ATG7: variants seen among roughly 807,000 people sequenced by gnomAD.
The protein encoded by ATG7 is ubiquitin-like modifier-activating enzyme ATG7.
In ATG7, 70 loss-of-function variants were observed where a neutral mutation model predicts 82.4. The observed-to-expected ratio is 0.85, with a 90% CI of 0.70 to 1.04. The LOEUF (loss-of-function observed/expected upper bound fraction) is 1.04, where lower values mean the gene tolerates loss of function less well. Ranked by LOEUF, ATG7 falls within the 50% of genes least tolerant of loss-of-function variation. ATG7 has a pLI of 0.00. For missense variants in ATG7, 792 were observed against 864.3 expected, an observed-to-expected ratio of 0.92 and a Z score of 1.05; for synonymous variants, 287 against 313.0, an observed-to-expected ratio of 0.92 and a Z score of 0.88.
At chr3:11,363,346 G>C in intron 17 of ATG7, among the ~76,000 whole-genome samples, 1 of 151,798 alleles carries the variant, frequency 6.6e-6, no homozygotes, top group East Asian at 1.9e-4. Context: ...AGGTTCAAGT[G>C]ATTCTCCTGC....
chr3:11,558,470 C>CCCAG, downstream of ATG7: 2 of 1,362,382 alleles, frequency 1.5e-6, no homozygotes, highest in Non-Finnish European at 9.8e-7. Flanking sequence ...CACCCCACCC[C>CCCAG]CATGATTTTT....
At chr3:11,505,997 G>C (rs769192447) in intron 20 of ATG7, among the ~76,000 whole-genome samples, 2 of 152,164 alleles carry the variant, frequency 1.3e-5, no homozygotes, top group Non-Finnish European at 2.9e-5. Flanking sequence ...GGCATTATGA[G>C]TATCACGTAA....
the ATG7 span, chr3:11,568,775 C>T: frequency 2.0e-6 from 3 of 1,491,880 alleles, no homozygotes; most frequent in South Asian, 4.0e-5. This position sits in a 1 kb window ranked among gnomAD's most constrained non-coding sequence, Gnocchi z 5.9. Flanking sequence ...CGCCTCCGCT[C>T]CTGGTCAGGA....
intron 19 of ATG7, among the ~76,000 whole-genome samples, chr3:11,414,539 C>A (rs2081202823): frequency 6.6e-6 from 1 of 152,126 alleles, no homozygotes. Context: ...CCCTTTATTT[C>A]TTTTTCTTGT....
chr3:11,453,265 T>C (rs2085374379), intron 20 of ATG7, among the ~76,000 whole-genome samples: 1 of 152,274 alleles, frequency 6.6e-6, no homozygotes, highest in East Asian at 1.9e-4. Flanking sequence ...TGGAAAGGCC[T>C]GTCCCCAAGC....
intron 19 of ATG7, among the ~76,000 whole-genome samples, chr3:11,398,196 A>G (rs2079490205): frequency 6.6e-6 from 1 of 152,204 alleles, no homozygotes; most frequent in African/African-American, 2.4e-5. Context: ...TAATAAGCAT[A>G]TTCTAGTGAA....
intron 3 of ATG7, among the ~76,000 whole-genome samples, chr3:11,286,797 T>C (rs1944141626): frequency 1.3e-5 from 2 of 151,882 alleles, no homozygotes; most frequent in Non-Finnish European, 2.9e-5. Flanking sequence ...AGAGACGGAA[T>C]GTTGCCCATG....
At chr3:11,378,190 A>G (rs2152843163) in intron 18 of ATG7, among the ~76,000 whole-genome samples, 1 of 150,344 alleles carries the variant, frequency 6.7e-6, no homozygotes, top group South Asian at 2.1e-4. Flanking sequence ...ATTATTTTGT[A>G]TTTTTAGCAG....
intron 20 of ATG7, among the ~76,000 whole-genome samples, chr3:11,427,154 G>A (rs1201899484): frequency 6.6e-6 from 1 of 152,198 alleles, no homozygotes; most frequent in Admixed American, 6.5e-5. Context: ...AAATCAGTGT[G>A]ATAAAGGAAG....
At chr3:11,339,258 T>C (rs1020432530) in intron 11 of ATG7, among the ~76,000 whole-genome samples, 2 of 137,208 alleles carry the variant, frequency 1.5e-5, no homozygotes, top group Admixed American at 1.7e-4. Flanking sequence ...ATCGCGCCAC[T>C]GCACTCCAGC....
intron 20 of ATG7, among the ~76,000 whole-genome samples, chr3:11,439,347 G>T (rs1014877449): frequency 6.6e-6 from 1 of 152,148 alleles, no homozygotes; most frequent in Non-Finnish European, 1.5e-5. Context: ...GGGATTACAG[G>T]TGTGAGCCAC....
chr3:11,439,069 C>CTTTTTTTTT (rs67206280), intron 20 of ATG7, among the ~76,000 whole-genome samples: 23 of 121,958 alleles, frequency 1.9e-4, no homozygotes, highest in Admixed American at 2.8e-4. Context: ...TTCTTTCTTT[C>CTTTTTTTTT]TTTTTTTTTT....
intron 11 of ATG7, 48 bp from the exon 12 acceptor site, chr3:11,340,597 T>A (rs1346554888): frequency 9.7e-6 from 15 of 1,544,670 alleles, no homozygotes; most frequent in Non-Finnish European, 1.3e-5. Context: ...ATCTGCTTGT[T>A]TTTATTCTTC....
At chr3:11,337,480 C>G (rs1190429648) in intron 11 of ATG7, among the ~76,000 whole-genome samples, 1 of 148,480 alleles carries the variant, frequency 6.7e-6, no homozygotes, top group East Asian at 1.9e-4. Context: ...CTCTCTCTCT[C>G]TCTCTCTCTA....
intron 19 of ATG7, among the ~76,000 whole-genome samples, chr3:11,418,920 ATCT>A (rs1170076965): frequency 6.6e-6 from 1 of 152,044 alleles, no homozygotes; most frequent in Non-Finnish European, 1.5e-5. Context: ...AAATCATCAG[ATCT>A]CATGAGAACT....
At chr3:11,482,388 C>T (rs2089105090) in intron 20 of ATG7, among the ~76,000 whole-genome samples, 1 of 152,232 alleles carries the variant, frequency 6.6e-6, no homozygotes, top group African/African-American at 2.4e-5. Flanking sequence ...CTTCTTCTGA[C>T]CTCTTGTCCC....
intron 11 of ATG7, among the ~76,000 whole-genome samples, chr3:11,336,033 G>A (rs1952416941): frequency 6.8e-6 from 1 of 148,096 alleles, no homozygotes; most frequent in Non-Finnish European, 1.5e-5. Context: ...ACTGTGCCCG[G>A]TCATTTTTTT....
chr3:11,475,908 C>CACACACACACACACACACA (rs59230356), intron 20 of ATG7, among the ~76,000 whole-genome samples: 21 of 145,628 alleles, frequency 1.4e-4, no homozygotes, highest in South Asian at 4.6e-4. Flanking sequence ...CACACACACA[C>CACACACACACACACACACA]CCCCTCCCAG....
the ATG7 span, among the ~76,000 whole-genome samples, chr3:11,573,309 AAGGAAGG>A: frequency 3.4e-4 from 4 of 11,632 alleles, no homozygotes; most frequent in East Asian, 2.9e-3. Flanking sequence ...GAAAGAAAGG[AAGGAAGG>A]AAGAAAGAAA....
Sources: gnomAD v4.1 joint callset for allele counts (sites outside exome capture counted in the v4.1 genomes callset) on GRCh38, gnomAD v4.1.1 for gene constraint, Gnocchi (gnomAD v3.1) non-coding constraint, MANE v1.5 for transcripts, NCBI Gene and HGNC (gene_info 2026-07-23, HGNC 2026-07-21) for gene names.